The following OR51A7 variants were observed in gnomAD, a reference collection of about 807,000 sequenced individuals.
OR51A7 encodes the protein olfactory receptor family 51 subfamily A member 7.
For synonymous variants in OR51A7, 143 were observed against 135.5 expected, an observed-to-expected ratio of 1.05 and a Z score of -0.38; for missense variants, 409 against 374.5, an observed-to-expected ratio of 1.09 and a Z score of -0.76.
At chr11:4,907,261 T>C in intron 1 of OR51A7, 78 bp from the exon 2 acceptor site, 2 of 663,998 alleles carry the variant, frequency 3.0e-6, no homozygotes, top group Non-Finnish European at 2.6e-6. Flanking sequence ...TTGAGTATAG[T>C]ATACGAATGA....
In OR51A7 at chr11:4,908,267, G is replaced by A; in HGVS notation, c.898G>A (p.Glu300Lys). Reference sequence around the variant, plus strand: ...CTGTGTAAAGACTCGACAAATCTGGGAGAAGATCTTGGGGAAGTTGCTTAA... The same window carrying A: ...CTGTGTAAAGACTCGACAAATCTGGAAGAAGATCTTGGGGAAGTTGCTTAA... ...VYCVKTRQIW[E>K]KILGKLLNVC... The change falls in exon 2 of 2, where the codon GAG (glutamate) becomes AAG (lysine). Residue 300 changes from glutamate to lysine, a missense_variant. Glu to Lys is a moderately conservative substitution (Grantham distance 56). Transcript: ENST00000641490. 1 of 1,614,110 alleles carries A rather than the reference G, an allele frequency of 6.2e-7. No individual in the cohort carries two copies. Among genetic ancestry groups the A allele is most frequent in the Non-Finnish European group, 8.5e-7 (1 of 1,180,026 alleles).
Position 4,907,928 on chromosome 11 carries a change from C to A in OR51A7, c.559C>A (p.Leu187Met), listed in dbSNP as rs773678445. Reference protein sequence around the residue: ...SYCLHQDTMKLACSDNKTNVI... With the variant: ...SYCLHQDTMKMACSDNKTNVI... ...CTGTCTTCATCAGGATACCATGAAG[C>A]TGGCCTGCTCTGACAACAAGACCAA... Residue 187 changes from leucine (L) to methionine (M), a missense_variant, in exon 2 of 2, where the codon CTG becomes ATG. By Grantham distance (15) the Leu-to-Met change is conservative. Coordinates refer to ENST00000641490, the MANE Select transcript of OR51A7 (RefSeq NM_001004749.2). The A allele has an allele frequency of 5.6e-6, 9 of 1,614,048 alleles. No homozygotes were observed. In the Admixed American group the frequency reaches 1.3e-4, roughly 24 times the overall value.
At position 4,907,438 on chromosome 11, in the gene OR51A7, C is replaced by G; in HGVS notation, c.69C>G (p.Ala23=). ...TTGGGATCCCAGGACTGGAACATGC[C>G]CACATTTGGTTCTCCATCCCCATTT... ...LLIGIPGLEH[A]HIWFSIPICL... The change falls in exon 2 of 2, where the codon GCC becomes GCG. Residue 23 remains alanine, a synonymous_variant. Coordinates refer to ENST00000641490, the MANE Select transcript of OR51A7 (RefSeq NM_001004749.2). 6 of 1,613,928 alleles carry G rather than the reference C, an allele frequency of 3.7e-6. No individual in the cohort carries two copies. Among genetic ancestry groups the G allele is most frequent in the Non-Finnish European group, 5.1e-6 (6 of 1,179,970 alleles).
chr11:4,905,749 T>A (rs1564803971), intron 1 of OR51A7, among the ~76,000 whole-genome samples: 1 of 152,180 alleles, frequency 6.6e-6, no homozygotes. Context: ...GAGATTTGTG[T>A]TTCTCTGACA....
At position 4,908,106 on chromosome 11, in the gene OR51A7, C is replaced by T; in HGVS notation, c.737C>T (p.Ala246Val). The T allele has an allele frequency of 6.2e-7, 1 of 1,614,074 alleles. No individual in the cohort carries two copies. Among genetic ancestry groups the T allele is most frequent in the African/African-American group, 1.3e-5 (1 of 75,054 alleles). Reference protein sequence around the residue: ...ALNTCVSHICAVLTFYVPIIT... With the variant: ...ALNTCVSHICVVLTFYVPIIT... ...AATACCTGTGTCTCCCACATCTGTG[C>T]TGTGCTCACCTTCTATGTGCCCATC... The change falls in exon 2 of 2, where the codon GCT becomes GTT. Residue 246 changes from alanine to valine, a missense_variant. By Grantham distance (64) the Ala-to-Val change is moderately conservative. Transcript: ENST00000641490.
In OR51A7 at chr11:4,908,448, G is replaced by T. The variant is rs571169896; in HGVS notation, c.*140G>T. 7 of 747,598 alleles carry T rather than the reference G, an allele frequency of 9.4e-6. No homozygotes were observed. Among genetic ancestry groups the T allele is most frequent in the South Asian group, 7.6e-5 (5 of 65,860 alleles). The allele number at this position is 747,598 out of a possible 1,614,324, so 46.3% of individuals were successfully genotyped here. Reference sequence around the variant, plus strand: ...TATGTAGTGCAGAATTTATAATAAAGTTGAGAATATAACTGAACAGGATAG... The same window carrying T: ...TATGTAGTGCAGAATTTATAATAAATTTGAGAATATAACTGAACAGGATAG... On this transcript the variant is annotated 3_prime_UTR_variant, in exon 2 of 2. Transcript: ENST00000641490.
In OR51A7 at chr11:4,907,568, G is replaced by A; in HGVS notation, c.199G>A (p.Ala67Thr). The change falls in exon 2 of 2, where the codon GCT becomes ACT. Residue 67 changes from alanine to threonine, a missense_variant. Coordinates refer to ENST00000641490, the MANE Select transcript of OR51A7 (RefSeq NM_001004749.2). ...CATGTATTATTTCCTTGCCATGTTG[G>A]CTGTCTCTGACATGGGCCTGTCCCT... ...EPMYYFLAML[A>T]VSDMGLSLSS... 6.2e-7 allele frequency: 1 copy of A among 1,613,970 alleles called. No individual in the cohort carries two copies. Among genetic ancestry groups the A allele is most frequent in the Non-Finnish European group, 8.5e-7 (1 of 1,179,964 alleles).
chr11:4,906,424 A>T (rs1850889730), intron 1 of OR51A7, among the ~76,000 whole-genome samples: 1 of 152,222 alleles, frequency 6.6e-6, no homozygotes, highest in Non-Finnish European at 1.5e-5. Context: ...AAATCAAATG[A>T]AAGGGCAAAT....
At chr11:4,904,877 A>G in intron 1 of OR51A7, among the ~76,000 whole-genome samples, 1 of 152,122 alleles carries the variant, frequency 6.6e-6, no homozygotes, top group East Asian at 1.9e-4. Flanking sequence ...TTGATGACAG[A>G]TACATGGGGA....
chr11:4,908,552 A>G lies in OR51A7; in HGVS notation c.*244A>G. The G allele has an allele frequency of 3.8e-6, 2 of 523,024 alleles. No homozygotes were observed. Among genetic ancestry groups the G allele is most frequent in the South Asian group, 4.3e-5 (2 of 47,030 alleles). 32.4% of individuals were successfully genotyped at this position (523,024 alleles called of 1,614,324 possible). On this transcript the variant is annotated 3_prime_UTR_variant, in exon 2 of 2. Coordinates refer to ENST00000641490, the MANE Select transcript of OR51A7 (RefSeq NM_001004749.2). ...GAAGTTGAAGGAAAATACTTCTGTG[A>G]TGGAGCAGCTGGATTTGAGTCAACC...
At position 4,906,391 on chromosome 11, in the gene OR51A7, G is replaced by A. The variant is rs148021849; in HGVS notation, c.-31-948G>A. ...ATTCATTTTACAGATTTAAAATAAC[G>A]CCCAAATAAGTTAAATAATTTAAAA... On this transcript the variant is annotated intron_variant, in intron 1 of 1. Transcript: ENST00000641490. 3.7e-3 allele frequency among the ~76,000 whole-genome samples: 567 copies of A among 152,102 alleles called. 3 individuals carry two copies. The highest frequency in any genetic ancestry group is 0.012 in the African/African-American group (514 of 41,492).
intron 1 of OR51A7, among the ~76,000 whole-genome samples, chr11:4,904,141 T>A (rs1026945961): frequency 6.6e-6 from 1 of 152,076 alleles, no homozygotes; most frequent in Non-Finnish European, 1.5e-5. Flanking sequence ...TAGTTATTCA[T>A]CTCTGCTATT....
Position 4,907,953 on chromosome 11 carries a change from A to G in OR51A7, c.584A>G (p.Asn195Ser), listed in dbSNP as rs775684473. 6.2e-7 allele frequency: 1 copy of G among 1,614,134 alleles called. No homozygotes were observed. Among genetic ancestry groups the G allele is most frequent in the South Asian group, 1.1e-5 (1 of 91,080 alleles). ...CTGGCCTGCTCTGACAACAAGACCAATGTCATCTATGGCTTCTTCATTGCT... is the reference window on the plus strand; with the variant it reads ...CTGGCCTGCTCTGACAACAAGACCAGTGTCATCTATGGCTTCTTCATTGCT... ...MKLACSDNKT[N>S]VIYGFFIALC... The change falls in exon 2 of 2, where the codon AAT becomes AGT. Residue 195 changes from asparagine to serine, a missense_variant. Coordinates refer to ENST00000641490, the MANE Select transcript of OR51A7 (RefSeq NM_001004749.2).
At position 4,903,854 on chromosome 11, in the gene OR51A7, A is replaced by G. The variant is rs1053559922; in HGVS notation, c.-32+10A>G. The G allele has an allele frequency of 9.9e-5, 15 of 152,074 alleles. No individual in the cohort carries two copies. The highest frequency in any genetic ancestry group is 3.6e-4 in the African/African-American group (15 of 41,436). 9.4% of individuals were successfully genotyped at this position (152,074 alleles called of 1,614,324 possible). On this transcript the variant is annotated intron_variant, in intron 1 of 1. Transcript: ENST00000641490. Reference sequence around the variant, plus strand: ...GAAACCTAAATCTAAGGTTTGTTAAACTGCTTATATCTGAATACATGTCTA... The same window carrying G: ...GAAACCTAAATCTAAGGTTTGTTAAGCTGCTTATATCTGAATACATGTCTA...
chr11:4,908,296 A>G lies in OR51A7; in HGVS notation c.927A>G (p.Val309=), dbSNP rs138946008. Residue 309 remains valine (V), a synonymous_variant, in exon 2 of 2, where the codon GTA becomes GTG. Transcript: ENST00000641490. ...WEKILGKLLN[V]CGR ...AGATCTTGGGGAAGTTGCTTAATGT[A>G]TGTGGGAGATAAGAACTTGAACAAT... 34 of 1,613,610 alleles carry G rather than the reference A, an allele frequency of 2.1e-5. No homozygotes were observed. The African/African-American group carries it at 4.1e-4, about 20-fold the overall frequency.
chr11:4,908,697 A>T lies in OR51A7; in HGVS notation c.*389A>T. The T allele has an allele frequency of 3.7e-6, 1 of 267,072 alleles. No homozygotes were observed. Among genetic ancestry groups the T allele is most frequent in the East Asian group, 9.3e-5 (1 of 10,718 alleles). 16.5% of individuals were successfully genotyped at this position (267,072 alleles called of 1,614,324 possible). ...GTCAAGGAAAGGTAAAATAGCTATG[A>T]AGGATGCTGATCTGATTACAATAGA... On this transcript the variant is annotated 3_prime_UTR_variant, in exon 2 of 2. Transcript: ENST00000641490.
rs1850952714 is a variant in OR51A7 at position 4,909,165 on chromosome 11, A to T, written c.*857A>T. The T allele has an allele frequency of 2.0e-5, 3 of 152,068 alleles. No homozygotes were observed. 9.4% of individuals were successfully genotyped at this position (152,068 alleles called of 1,614,324 possible). A position where few individuals can be genotyped will look rare whatever the true frequency, so the allele number is the denominator to read the frequency against. ...CTTAAAAAAAATCAGCCCCTCTAAT[A>T]TGTTCTTAAAAATTGATTCCTGCAG... is the stretch of plus-strand genomic sequence containing the variant. On this transcript the variant is annotated 3_prime_UTR_variant, in exon 2 of 2. Transcript: ENST00000641490.
At position 4,908,140 on chromosome 11, in the gene OR51A7, G is replaced by C; in HGVS notation, c.771G>C (p.Leu257=). Residue 257 remains leucine, a synonymous_variant, in exon 2 of 2, where the codon CTG becomes CTC. Coordinates refer to ENST00000641490, the MANE Select transcript of OR51A7 (RefSeq NM_001004749.2). The part of the protein sequence containing the change: ...VLTFYVPIIT[L]AAMHHFAKHK... ...CCTTCTATGTGCCCATCATCACCCT[G>C]GCTGCCATGCATCACTTTGCCAAGC... 6.2e-7 allele frequency: 1 copy of C among 1,614,106 alleles called. No individual in the cohort carries two copies.
At chr11:4,907,095 T>TAAAAAAAAAAAAAAAAAAAAAAAAA (rs3065178) in intron 1 of OR51A7, among the ~76,000 whole-genome samples, 3 of 55,122 alleles carry the variant, frequency 5.4e-5, no homozygotes, top group Admixed American at 2.2e-4. Flanking sequence ...AAACTCCCTC[T>TAAAAAAAAAAAAAAAAAAAAAAAAA]AAAAAAAAAA....
Sources: gnomAD v4.1 joint callset for allele counts (sites outside exome capture counted in the v4.1 genomes callset) on GRCh38, gnomAD v4.1.1 for gene constraint, MANE v1.5 for transcripts, NCBI Gene and HGNC (gene_info 2026-07-23, HGNC 2026-07-21) for gene names.